Variants in SF3B3 observed in about 807,000 individuals in gnomAD.
The protein encoded by SF3B3 is splicing factor 3b subunit 3, also known as SAP 130.
In SF3B3, 33 loss-of-function variants were observed where a neutral mutation model predicts 139.2. That is an observed-to-expected ratio of 0.24 (90% CI 0.18 to 0.32). The LOEUF (loss-of-function observed/expected upper bound fraction) is 0.32. SF3B3 is among the 10% of genes least tolerant of loss of function. The pLI, the probability that SF3B3 is intolerant of heterozygous loss-of-function variation, is 1.00. For missense variants in SF3B3, 818 were observed against 1,509.4 expected (o/e 0.54, Z 7.59); for synonymous variants, 596 against 563.6 (o/e 1.06, Z -0.81).
intron 6 of SF3B3, among the ~76,000 whole-genome samples, chr16:70,535,708 C>A (rs6499319): frequency 6.6e-6 from 1 of 151,012 alleles, no homozygotes; most frequent in African/African-American, 2.4e-5. Context: ...TTGGAGAAAC[C>A]AGGCATATTT....
At chr16:70,555,431 A>G (rs1239884170) in intron 13 of SF3B3, among the ~76,000 whole-genome samples, 1 of 142,348 alleles carries the variant, frequency 7.0e-6, no homozygotes, top group Admixed American at 7.5e-5. Flanking sequence ...GTGAGCTGAG[A>G]TTGCACCACT....
chr16:70,530,637 T>C, intron 3 of SF3B3, 108 bp from the exon 4 acceptor site: 1 of 922,848 alleles, frequency 1.1e-6, no homozygotes, highest in Non-Finnish European at 1.7e-6. Context: ...GTAGAGTTAC[T>C]GCTGTTAATA....
rs2050555802 is a variant in SF3B3, at chr16:70,574,202, T to G, written c.*2389T>G. On this transcript the variant is annotated 3_prime_UTR_variant, in exon 26 of 26. Coordinates refer to ENST00000302516, the MANE Select transcript of SF3B3 (RefSeq NM_012426.5). ...TATTTTTTAATTTTTTAAAAAAAAT[T>G]TTATTAGAGACAGTCTCTCTCTCTT... is the stretch of plus-strand genomic sequence containing the variant. 6.6e-6 allele frequency: 1 copy of G among 152,132 alleles called. No individual in the cohort carries two copies. The allele number at this position is 152,132 out of a possible 1,614,324, so 9.4% of individuals were successfully genotyped here.
chr16:70,525,983 A>G (rs930554319), intron 1 of SF3B3, among the ~76,000 whole-genome samples: 11 of 145,450 alleles, frequency 7.6e-5, no homozygotes, highest in African/African-American at 1.5e-4. Context: ...AAAAAAAAGG[A>G]AAAAAAAAAG....
chr16:70,534,007 G>C (rs1295509331), intron 5 of SF3B3, among the ~76,000 whole-genome samples: 2 of 152,196 alleles, frequency 1.3e-5, no homozygotes. Context: ...CTTTGTGCAA[G>C]ATTGAGTCTG....
At chr16:70,530,195 A>G (rs768614528) in intron 3 of SF3B3, among the ~76,000 whole-genome samples, 76 of 151,882 alleles carry the variant, frequency 5.0e-4, no homozygotes, top group Non-Finnish European at 7.1e-4. Flanking sequence ...GGATCTCACA[A>G]TGCTGCCCAG....
chr16:70,556,250 T>G lies in SF3B3; in HGVS notation c.1782T>G (p.Asn594Lys), dbSNP rs573483470. ...ATGTGGTGTGCATGAGTCTGGCCAA[T>G]GTACCCCCTGGAGAGCAGCGGTCTC... ...SADVVCMSLA[N>K]VPPGEQRSRF... is the part of the protein sequence containing the mutation. Residue 594 changes from asparagine to lysine, a missense_variant, in exon 14 of 26, where the codon AAT becomes AAG. Physicochemically the swap from Asn to Lys is moderately conservative, Grantham distance 94 (BLOSUM62 0). Coordinates refer to ENST00000302516, the MANE Select transcript of SF3B3 (RefSeq NM_012426.5). 2 of 1,614,168 alleles carry G rather than the reference T, an allele frequency of 1.2e-6. No individual in the cohort carries two copies. The highest frequency in any genetic ancestry group is 1.1e-5 in the South Asian group (1 of 91,084).
intron 4 of SF3B3, among the ~76,000 whole-genome samples, chr16:70,531,161 G>A (rs1013695490): frequency 6.6e-6 from 1 of 151,962 alleles, no homozygotes; most frequent in Non-Finnish European, 1.5e-5. Flanking sequence ...CCAGCTACTC[G>A]GGAAGCTGAG....
chr16:70,565,577 A>G, intron 20 of SF3B3, 53 bp downstream of exon 20: 1 of 1,536,236 alleles, frequency 6.5e-7, no homozygotes. Flanking sequence ...GAATTCTCTC[A>G]CTTTTGCTTA....
rs113369776 is a variant in SF3B3, at chr16:70,568,503, G to A, written c.3165+8G>A. 6.2e-7 allele frequency: 1 copy of A among 1,608,210 alleles called. No individual in the cohort carries two copies. Among genetic ancestry groups the A allele is most frequent in the Non-Finnish European group, 8.5e-7 (1 of 1,175,494 alleles). On this transcript the variant is annotated splice_region_variant and intron_variant, in intron 22 of 25. Coordinates refer to ENST00000302516, the MANE Select transcript of SF3B3 (RefSeq NM_012426.5). Reference sequence around the variant, plus strand: ...TTTGGCAACATATGTGTGGTGAGTTGATGTTGTTAACTTGGGTTACAGTGA... The same window carrying A: ...TTTGGCAACATATGTGTGGTGAGTTAATGTTGTTAACTTGGGTTACAGTGA...
chr16:70,560,450 C>T lies in SF3B3; in HGVS notation c.2011-19C>T, dbSNP rs1179311043. The stretch of plus-strand genomic sequence containing the variant: ...ATAAGCTTCCATCAGGCTTCACCTG[C>T]TCCTCTCCTTTTGATTAGAACGGTG... On this transcript the variant is annotated intron_variant, in intron 15 of 25. Coordinates refer to ENST00000302516, the MANE Select transcript of SF3B3 (RefSeq NM_012426.5). 1.2e-6 allele frequency: 2 copies of T among 1,611,598 alleles called. No homozygotes were observed. The highest frequency in any genetic ancestry group is 1.1e-5 in the South Asian group (1 of 90,788).
At chr16:70,562,918 TC>T (rs1348857693) in intron 17 of SF3B3, among the ~76,000 whole-genome samples, 1 of 152,174 alleles carries the variant, frequency 6.6e-6, no homozygotes, top group Admixed American at 6.6e-5. Context: ...AGCCCCAACT[TC>T]CTGGGCTCAA....
Position 70,556,296 on chromosome 16 carries a change from G to C in SF3B3, c.1828G>C (p.Val610Leu), listed in dbSNP as rs1219586048. 4 of 1,614,202 alleles carry C rather than the reference G, an allele frequency of 2.5e-6. No individual in the cohort carries two copies. Among genetic ancestry groups the C allele is most frequent in the Non-Finnish European group, 3.4e-6 (4 of 1,180,040 alleles). ...QRSRFLAVGL[V>L]DNTVRIISLD... ...GTCTCGCTTCCTGGCTGTGGGGCTT[G>C]TGGACAACACTGTCAGAATCATCTC... The change falls in exon 14 of 26, where the codon GTG (valine) becomes CTG (leucine). Residue 610 changes from valine to leucine, a missense_variant. This residue lies in a region of SF3B3 where 170 missense variants were observed against 353.0 expected (regional missense o/e 0.48). Transcript: ENST00000302516.
intron 11 of SF3B3, among the ~76,000 whole-genome samples, chr16:70,552,585 A>G (rs141573920): frequency 6.6e-6 from 1 of 152,326 alleles, no homozygotes; most frequent in East Asian, 1.9e-4. Flanking sequence ...AAAATAACCA[A>G]AAACCAAGTA....
intron 13 of SF3B3, among the ~76,000 whole-genome samples, chr16:70,555,769 C>G (rs1324572140): frequency 6.6e-6 from 1 of 152,150 alleles, no homozygotes; most frequent in Non-Finnish European, 1.5e-5. Context: ...TCTAGTGTGG[C>G]CAAATTTGTA....
Position 70,576,585 on chromosome 16 carries a change from A to G in SF3B3, c.*4772A>G, listed in dbSNP as rs1405217406. Reference sequence around the variant, plus strand: ...CGTGATGGTCAAGGGAAGTACTACCATTTCCTGTGGGTTATTAGGGCCTCC... The same window carrying G: ...CGTGATGGTCAAGGGAAGTACTACCGTTTCCTGTGGGTTATTAGGGCCTCC... On this transcript the variant is annotated 3_prime_UTR_variant, in exon 26 of 26. Coordinates refer to ENST00000302516, the MANE Select transcript of SF3B3 (RefSeq NM_012426.5). The G allele has an allele frequency of 6.6e-6, 1 of 152,112 alleles. No individual in the cohort carries two copies. Among genetic ancestry groups the G allele is most frequent in the Non-Finnish European group, 1.5e-5 (1 of 68,030 alleles). The allele number at this position is 152,112 out of a possible 1,614,324, so 9.4% of individuals were successfully genotyped here. A position where few individuals can be genotyped will look rare whatever the true frequency, so the allele number is the denominator to read the frequency against.
intron 13 of SF3B3, 60 bp from the exon 14 acceptor site, chr16:70,556,119 T>A: frequency 6.4e-7 from 1 of 1,561,616 alleles, no homozygotes; most frequent in South Asian, 1.1e-5. Context: ...TTGGGGTGAA[T>A]TGGAGCATCT....
chr16:70,530,722 T>A (rs767376375), intron 3 of SF3B3, 23 bp from the exon 4 acceptor site: 1 of 1,589,802 alleles, frequency 6.3e-7, no homozygotes, highest in East Asian at 2.2e-5. Context: ...GAATCTTGTA[T>A]GTTTTATCTC....
chr16:70,555,270 T>C, intron 13 of SF3B3, 64 bp downstream of exon 13: 2 of 1,423,638 alleles, frequency 1.4e-6, no homozygotes, highest in Non-Finnish European at 2.0e-6. Context: ...ATGGGCATTG[T>C]AGTCTAGTCA....
Sources: allele counts gnomAD v4.1 joint callset (sites outside exome capture counted in the v4.1 genomes callset), GRCh38; gene constraint gnomAD v4.1.1; regional missense constraint gnomAD v4.1.1; transcripts MANE v1.5; gene names NCBI Gene and HGNC (gene_info 2026-07-23, HGNC 2026-07-21).